Variants in RMST observed in about 807,000 individuals in gnomAD.
RMST encodes rhabdomyosarcoma 2 associated transcript.
chr12:97,529,087 T>C (rs1163395387), intron 10 of RMST, among the ~76,000 whole-genome samples: 1 of 152,082 alleles, frequency 6.6e-6, no homozygotes, highest in Non-Finnish European at 1.5e-5. Context: ...GATATAGATA[T>C]ATAATTTCTA....
At chr12:97,478,250 G>A (rs1874797205) in intron 5 of RMST, among the ~76,000 whole-genome samples, 1 of 152,158 alleles carries the variant, frequency 6.6e-6, no homozygotes, top group South Asian at 2.1e-4. Flanking sequence ...CTTCTAAGAT[G>A]TACACCATAA....
At chr12:97,474,057 T>A (rs1874237583) in intron 5 of RMST, among the ~76,000 whole-genome samples, 1 of 152,124 alleles carries the variant, frequency 6.6e-6, no homozygotes, top group Non-Finnish European at 1.5e-5. Context: ...TAGACATTTC[T>A]TATTGACAGT....
intron 10 of RMST, among the ~76,000 whole-genome samples, chr12:97,513,028 C>G (rs964168273): frequency 1.5e-4 from 23 of 152,234 alleles, no homozygotes; most frequent in Non-Finnish European, 3.2e-4. Flanking sequence ...GCCGGCCGCT[C>G]CAACTGCGGG....
intron 10 of RMST, among the ~76,000 whole-genome samples, chr12:97,499,352 T>C (rs1877810296): frequency 6.6e-6 from 1 of 152,216 alleles, no homozygotes; most frequent in African/African-American, 2.4e-5. Flanking sequence ...CGACTATTTT[T>C]CTGAGATGTT....
At chr12:97,512,349 A>C (rs1879443717) in intron 10 of RMST, among the ~76,000 whole-genome samples, 1 of 152,126 alleles carries the variant, frequency 6.6e-6, no homozygotes, top group Non-Finnish European at 1.5e-5. Context: ...GAAAGAACAA[A>C]GCTTCCACAG....
intron 10 of RMST, among the ~76,000 whole-genome samples, chr12:97,499,646 C>CTT (rs1877853613): frequency 7.1e-6 from 1 of 139,984 alleles, no homozygotes; most frequent in African/African-American, 2.8e-5. Flanking sequence ...TTTTCTTTTT[C>CTT]TTTTTTCTTT....
At chr12:97,548,372 TCA>T (rs1353616789) in intron 11 of RMST, among the ~76,000 whole-genome samples, 1 of 152,108 alleles carries the variant, frequency 6.6e-6, no homozygotes, top group Non-Finnish European at 1.5e-5. Context: ...CTTTGGCTAT[TCA>T]CAGTCTTTTG....
At chr12:97,542,512 A>G (rs1882623562) in intron 11 of RMST, among the ~76,000 whole-genome samples, 1 of 151,906 alleles carries the variant, frequency 6.6e-6, no homozygotes, top group Admixed American at 6.6e-5. Flanking sequence ...AGATCTAGCC[A>G]TGTCTTTGTT....
At chr12:97,512,059 G>T (rs920451214) in intron 10 of RMST, among the ~76,000 whole-genome samples, 1 of 152,178 alleles carries the variant, frequency 6.6e-6, no homozygotes, top group Non-Finnish European at 1.5e-5. Context: ...CTGATGTTCA[G>T]ATGTGTTCGG....
At chr12:97,482,909 C>G (rs1368379850) in intron 5 of RMST, among the ~76,000 whole-genome samples, 1 of 150,626 alleles carries the variant, frequency 6.6e-6, no homozygotes, top group African/African-American at 2.4e-5. Context: ...CAAGCACCAC[C>G]CAAGATTTTT....
chr12:97,497,704 T>TCTAA (rs1365211453), intron 10 of RMST, among the ~76,000 whole-genome samples: 1 of 152,132 alleles, frequency 6.6e-6, no homozygotes, highest in Non-Finnish European at 1.5e-5. Context: ...CCTTTCTTTT[T>TCTAA]CTAACTTGTT....
chr12:97,545,399 A>G (rs1366643386), intron 11 of RMST, among the ~76,000 whole-genome samples: 1 of 152,130 alleles, frequency 6.6e-6, no homozygotes, highest in Non-Finnish European at 1.5e-5. Flanking sequence ...TCTGACTCTT[A>G]GATGTCCTTC....
intron 10 of RMST, among the ~76,000 whole-genome samples, chr12:97,519,810 T>G (rs1452119255): frequency 6.6e-6 from 1 of 152,178 alleles, no homozygotes; most frequent in African/African-American, 2.4e-5. Flanking sequence ...TGGTTTTGCT[T>G]TAAGTATAAT....
intron 13 of RMST, among the ~76,000 whole-genome samples, chr12:97,562,601 T>C (rs1407136267): frequency 6.6e-6 from 1 of 152,082 alleles, no homozygotes; most frequent in Non-Finnish European, 1.5e-5. Context: ...TAAAAACAAA[T>C]TGGAGAGGTT....
At chr12:97,561,629 C>CTTTTTTT (rs9331504) in intron 13 of RMST, among the ~76,000 whole-genome samples, 2 of 56,682 alleles carry the variant, frequency 3.5e-5, no homozygotes, top group Non-Finnish European at 5.9e-5. Flanking sequence ...AGTTTGAAGG[C>CTTTTTTT]TTTTTTTTTT....
chr12:97,478,622 A>G (rs1014258161), intron 5 of RMST, among the ~76,000 whole-genome samples: 1 of 152,214 alleles, frequency 6.6e-6, no homozygotes, highest in African/African-American at 2.4e-5. Flanking sequence ...CCAATAAATC[A>G]GGTATCAGTT....
chr12:97,524,075 C>CAGAGAGAAAAAAAAAAAAAA (rs57255256), intron 10 of RMST, among the ~76,000 whole-genome samples: 1 of 56,118 alleles, frequency 1.8e-5, no homozygotes, highest in Non-Finnish European at 3.2e-5. Context: ...GACTCTGTCT[C>CAGAGAGAAAAAAAAAAAAAA]AAAAAAAAAA....
intron 11 of RMST, among the ~76,000 whole-genome samples, chr12:97,555,370 C>T (rs1211679972): frequency 1.3e-5 from 2 of 152,154 alleles, no homozygotes; most frequent in Admixed American, 6.5e-5. Flanking sequence ...AGTAAATTAA[C>T]ATCCATGCTT....
intron 11 of RMST, among the ~76,000 whole-genome samples, chr12:97,559,835 G>A (rs1355534513): frequency 6.6e-6 from 1 of 152,044 alleles, no homozygotes; most frequent in East Asian, 1.9e-4. Flanking sequence ...AAACACGAGT[G>A]GTATGGGCAC....
Sources: allele counts gnomAD v4.1 joint callset (sites outside exome capture counted in the v4.1 genomes callset), GRCh38; gene constraint gnomAD v4.1.1; transcripts MANE v1.5; gene names NCBI Gene and HGNC (gene_info 2026-07-23, HGNC 2026-07-21).